The following SNX18 variants were observed in gnomAD, a reference collection of about 807,000 sequenced individuals.
The protein encoded by SNX18 is sorting nexin-18.
In SNX18, 35 loss-of-function variants were observed where a neutral mutation model predicts 48.7. The ratio of observed to expected loss-of-function variants is 0.72; its 90% confidence interval spans 0.55 to 0.95. The LOEUF (loss-of-function observed/expected upper bound fraction) is 0.95. Among genes scored for constraint, SNX18 ranks in the 40% least tolerant of loss-of-function variants. The pLI, the probability that SNX18 is intolerant of heterozygous loss-of-function variation, is 0.00. For missense variants in SNX18, 824 were observed against 871.0 expected (o/e 0.95, Z 0.68); for synonymous variants, 492 against 384.7 (o/e 1.28, Z -3.26).
chr5:54,545,761 A>G lies in SNX18; in HGVS notation c.*2329A>G, dbSNP rs563436398. The G allele has an allele frequency of 6.6e-6, 1 of 152,304 alleles. No homozygotes were observed. The highest frequency in any genetic ancestry group is 1.9e-4 in the East Asian group (1 of 5,186). 9.4% of individuals were successfully genotyped at this position (152,304 alleles called of 1,614,324 possible). A position where few individuals can be genotyped will look rare whatever the true frequency, so the allele number is the denominator to read the frequency against. Reference sequence around the variant, plus strand: ...GTCCTATTGAAACATTGCAGTATGCAAAACTACTGCAATGTTAAACCCAAG... The same window carrying G: ...GTCCTATTGAAACATTGCAGTATGCGAAACTACTGCAATGTTAAACCCAAG... On this transcript the variant is annotated 3_prime_UTR_variant, in exon 2 of 2. Transcript: ENST00000381410.
At chr5:54,630,557 GGT>G in the SNX18 span, among the ~76,000 whole-genome samples, 2 of 152,134 alleles carry the variant, frequency 1.3e-5, no homozygotes, top group African/African-American at 4.8e-5. Context: ...ATGGAAGCCA[GGT>G]GTCATGGCTC....
At chr5:54,631,036 T>G in the SNX18 span, among the ~76,000 whole-genome samples, 1 of 152,144 alleles carries the variant, frequency 6.6e-6, no homozygotes, top group East Asian at 1.9e-4. Context: ...TAGAAAGCTG[T>G]AGAAATTCAA....
intron 1 of SNX18, among the ~76,000 whole-genome samples, chr5:54,523,766 C>T (rs1442501897): frequency 6.6e-6 from 1 of 152,156 alleles, no homozygotes; most frequent in African/African-American, 2.4e-5. Context: ...CACCATTGTG[C>T]TTCCTTTTAC....
intron 1 of SNX18, among the ~76,000 whole-genome samples, chr5:54,541,035 C>G (rs1431131292): frequency 1.3e-5 from 2 of 149,868 alleles, no homozygotes; most frequent in Non-Finnish European, 3.0e-5. Flanking sequence ...TTTTCTCTCT[C>G]TCTTTTTTTG....
chr5:54,609,472 T>C, the SNX18 span, among the ~76,000 whole-genome samples: 54,330 of 151,950 alleles, frequency 0.36, 10,190 homozygotes, highest in Admixed American at 0.41. Flanking sequence ...TTCTATTTAT[T>C]TACTTATTTA....
At chr5:54,595,633 G>T in the SNX18 span, among the ~76,000 whole-genome samples, 1 of 152,196 alleles carries the variant, frequency 6.6e-6, no homozygotes, top group African/African-American at 2.4e-5. Context: ...TCTCTCTGCA[G>T]CCTCACCAGC....
chr5:54,544,265 C>A lies in SNX18; in HGVS notation c.*833C>A, dbSNP rs1330668757. On this transcript the variant is annotated 3_prime_UTR_variant, in exon 2 of 2. Coordinates refer to ENST00000381410, the MANE Select transcript of SNX18 (RefSeq NM_001102575.2). Reference sequence around the variant, plus strand: ...TGAAGATTTCAGCAAACATGTCTTACAACATGAGGAGGAGGAGTCTAAATC... The same window carrying A: ...TGAAGATTTCAGCAAACATGTCTTAAAACATGAGGAGGAGGAGTCTAAATC... The A allele has an allele frequency of 1.3e-5, 2 of 152,152 alleles. 1 individual carries two copies. The highest frequency in any genetic ancestry group is 4.1e-4 in the South Asian group (2 of 4,832). 9.4% of individuals were successfully genotyped at this position (152,152 alleles called of 1,614,324 possible). A position where few individuals can be genotyped will look rare whatever the true frequency, so the allele number is the denominator to read the frequency against.
the SNX18 span, among the ~76,000 whole-genome samples, chr5:54,580,964 A>C: frequency 1.3e-5 from 2 of 152,108 alleles, no homozygotes; most frequent in Non-Finnish European, 2.9e-5. Flanking sequence ...TTCTTCAGAG[A>C]AGGGCAATAC....
At chr5:54,592,777 G>C in the SNX18 span, among the ~76,000 whole-genome samples, 1 of 152,058 alleles carries the variant, frequency 6.6e-6, no homozygotes, top group African/African-American at 2.4e-5. Flanking sequence ...GCCTCTTGCT[G>C]AGTCCTTACC....
the SNX18 span, among the ~76,000 whole-genome samples, chr5:54,610,531 G>A: frequency 1.3e-5 from 2 of 152,222 alleles, no homozygotes; most frequent in Non-Finnish European, 2.9e-5. Flanking sequence ...CAAGATTGGA[G>A]ATTCAGATGC....
rs1761963107 is a variant in SNX18 at position 54,519,368 on chromosome 5, C to T, written c.1416C>T (p.Arg472=). ...KEYQKVGQSF[R]GLSQAFELDQ... is the part of the protein sequence containing the mutation. ...ATCAGAAGGTGGGCCAGTCCTTCCG[C>T]GGCCTCAGCCAGGCCTTTGAGCTGG... Residue 472 remains arginine, a synonymous_variant, in exon 1 of 2, where the codon CGC becomes CGT. Transcript: ENST00000381410. The T allele has an allele frequency of 6.2e-7, 1 of 1,612,936 alleles. No homozygotes were observed. The highest frequency in any genetic ancestry group is 8.5e-7 in the Non-Finnish European group (1 of 1,179,258).
At chr5:54,557,770 A>T in the SNX18 span, among the ~76,000 whole-genome samples, 1 of 152,258 alleles carries the variant, frequency 6.6e-6, no homozygotes, top group African/African-American at 2.4e-5. Context: ...TATGTTGTGT[A>T]TAATTTATAA....
chr5:54,609,153 T>C, the SNX18 span, among the ~76,000 whole-genome samples: 5 of 152,206 alleles, frequency 3.3e-5, no homozygotes, highest in Non-Finnish European at 7.3e-5. Context: ...AACTACTCTG[T>C]CCAGTATGGT....
At chr5:54,634,500 C>T in the SNX18 span, among the ~76,000 whole-genome samples, 1 of 152,106 alleles carries the variant, frequency 6.6e-6, no homozygotes, top group Admixed American at 6.6e-5. Context: ...ATTTCATAAA[C>T]TTTTCTAAAA....
At chr5:54,529,638 T>G (rs957802973) in intron 1 of SNX18, among the ~76,000 whole-genome samples, 3 of 152,134 alleles carry the variant, frequency 2.0e-5, no homozygotes. Context: ...CTTTTTTTTT[T>G]TCCACTAGAA....
At chr5:54,641,655 C>T in the SNX18 span, among the ~76,000 whole-genome samples, 1 of 152,134 alleles carries the variant, frequency 6.6e-6, no homozygotes, top group African/African-American at 2.4e-5. Context: ...CACAGCACAA[C>T]AAAAATTTTT....
the SNX18 span, among the ~76,000 whole-genome samples, chr5:54,578,321 G>A: frequency 2.0e-5 from 3 of 152,332 alleles, no homozygotes; most frequent in Non-Finnish European, 4.4e-5. Flanking sequence ...CTCCCTTTGT[G>A]TGACCAGAGA....
the SNX18 span, among the ~76,000 whole-genome samples, chr5:54,588,435 C>T: frequency 6.7e-6 from 1 of 148,888 alleles, no homozygotes; most frequent in Non-Finnish European, 1.5e-5. Context: ...TCACACCATT[C>T]TCCTGCCTCA....
At chr5:54,536,579 A>G (rs1762360364) in intron 1 of SNX18, among the ~76,000 whole-genome samples, 1 of 152,282 alleles carries the variant, frequency 6.6e-6, no homozygotes, top group African/African-American at 2.4e-5. Flanking sequence ...TTATGGCTGC[A>G]TAGTATTCCA....
Sources: allele counts gnomAD v4.1 joint callset (sites outside exome capture counted in the v4.1 genomes callset), GRCh38; gene constraint gnomAD v4.1.1; transcripts MANE v1.5; gene names NCBI Gene and HGNC (gene_info 2026-07-23, HGNC 2026-07-21).